The following MECOM variants were observed in gnomAD, a reference collection of about 807,000 sequenced individuals.
MECOM encodes the protein histone-lysine N-methyltransferase MECOM.
MECOM carries 13 observed loss-of-function variants against 116.3 expected under a neutral mutation model. That is an observed-to-expected ratio of 0.11 (90% CI 0.07 to 0.18). The LOEUF is 0.18. Among genes scored for constraint, MECOM ranks in the 10% least tolerant of loss-of-function variants. MECOM has a pLI of 1.00. For missense variants in MECOM, 1,299 were observed against 1,509.0 expected, an observed-to-expected ratio of 0.86 and a Z score of 2.31; for synonymous variants, 528 against 535.2, an observed-to-expected ratio of 0.99 and a Z score of 0.19.
chr3:169,576,947 TG>T (rs1764588093), intron 1 of MECOM, among the ~76,000 whole-genome samples: 1 of 152,122 alleles, frequency 6.6e-6, no homozygotes, highest in Non-Finnish European at 1.5e-5. Context: ...GACATAGCAC[TG>T]GCCGGGCCAA....
chr3:169,308,222 A>G (rs1718067253), intron 2 of MECOM, among the ~76,000 whole-genome samples: 1 of 152,184 alleles, frequency 6.6e-6, no homozygotes, highest in African/African-American at 2.4e-5. Flanking sequence ...GTATTTTACT[A>G]TTGTGCTGCT....
rs371183176 is a variant in MECOM at position 169,594,517 on chromosome 3, C to T, written c.37+68819G>A. On this transcript the variant is annotated intron_variant, in intron 1 of 16. Transcript: ENST00000651503. Reference sequence around the variant, plus strand: ...GGCCAGCATTCTGGCTTAATAGACCCATTGGGTGATTCCGATACAGGCTAC... The same window carrying T: ...GGCCAGCATTCTGGCTTAATAGACCTATTGGGTGATTCCGATACAGGCTAC... Among the ~76,000 whole-genome samples the T allele has an allele frequency of 3.3e-5, 5 of 152,058 alleles. No individual in the cohort carries two copies. In the East Asian group the frequency reaches 5.8e-4, roughly 18 times the overall value.
At chr3:169,481,316 G>A (rs73174314) in intron 1 of MECOM, among the ~76,000 whole-genome samples, 10,753 of 152,166 alleles carry the variant, frequency 0.071, 654 homozygotes, top group East Asian at 0.25. Context: ...ACTTTGGGAG[G>A]ACGAGGCGGG....
At chr3:169,215,753 C>G (rs1415232559) in intron 2 of MECOM, among the ~76,000 whole-genome samples, 1 of 152,178 alleles carries the variant, frequency 6.6e-6, no homozygotes, top group Non-Finnish European at 1.5e-5. Flanking sequence ...CACTTTCTAT[C>G]CTACAGAAGG....
At chr3:169,438,686 G>T (rs191858719) in intron 1 of MECOM, among the ~76,000 whole-genome samples, 1 of 152,176 alleles carries the variant, frequency 6.6e-6, no homozygotes, top group South Asian at 2.1e-4. Context: ...TATGGATGGG[G>T]TACTGGCTGG....
At chr3:169,515,186 G>C (rs1029658637) in intron 1 of MECOM, among the ~76,000 whole-genome samples, 1 of 152,072 alleles carries the variant, frequency 6.6e-6, no homozygotes, top group African/African-American at 2.4e-5. Flanking sequence ...TGCAGGTAGA[G>C]AGCACATGAG....
Position 169,472,518 on chromosome 3 carries a change from G to GAAAAGAAAAGAAAAGA in MECOM, c.38-90995_38-90994insTCTTTTCTTTTCTTTT, listed in dbSNP as rs1749522201. Among the ~76,000 whole-genome samples the GAAAAGAAAAGAAAAGA allele has an allele frequency of 5.7e-4, 40 of 70,124 alleles. 1 individual carries two copies. The highest frequency in any genetic ancestry group is 1.4e-3 in the South Asian group (3 of 2,084). The allele number at this position is 70,124 out of a possible 152,430, so 46.0% of individuals were successfully genotyped here. A position where few individuals can be genotyped will look rare whatever the true frequency, so the allele number is the denominator to read the frequency against. ...GAAAGGAAAGGAAAGGAAAGGAAAG[G>GAAAAGAAAAGAAAAGA]AAAGAAAAGAAAAGAAAAGGAAAGG... On this transcript the variant is annotated intron_variant, in intron 1 of 16. Transcript: ENST00000651503.
intron 1 of MECOM, among the ~76,000 whole-genome samples, chr3:169,596,579 C>A (rs369305567): frequency 6.6e-6 from 1 of 152,110 alleles, no homozygotes; most frequent in East Asian, 1.9e-4. Context: ...ATTACAGAGA[C>A]ACTAAATCCT....
chr3:169,656,664 T>C (rs1473570508), intron 1 of MECOM, among the ~76,000 whole-genome samples: 1 of 152,246 alleles, frequency 6.6e-6, no homozygotes, highest in East Asian at 1.9e-4. Flanking sequence ...CATGGGTTGA[T>C]GGTATTTTTG....
intron 1 of MECOM, among the ~76,000 whole-genome samples, chr3:169,523,782 C>T (rs1254502495): frequency 1.3e-5 from 2 of 151,560 alleles, no homozygotes; most frequent in Non-Finnish European, 2.9e-5. Context: ...AAGTATATCC[C>T]AAATATTGCA....
At chr3:169,147,660 G>A (rs2149313622) in intron 2 of MECOM, 1 of 984,822 alleles carries the variant, frequency 1.0e-6, no homozygotes, top group Non-Finnish European at 1.2e-6. Flanking sequence ...CGCCAGGCAG[G>A]ATTTCTTTCC....
intron 2 of MECOM, among the ~76,000 whole-genome samples, chr3:169,263,900 A>G (rs1328365459): frequency 1.3e-5 from 2 of 152,270 alleles, no homozygotes; most frequent in East Asian, 3.9e-4. Flanking sequence ...TGGTAGAAAG[A>G]TAACAAATGA....
intron 9 of MECOM, among the ~76,000 whole-genome samples, chr3:169,108,588 T>C (rs1726227263): frequency 6.6e-6 from 1 of 152,180 alleles, no homozygotes; most frequent in African/African-American, 2.4e-5. Context: ...ACAAAAGTTA[T>C]ATACGCTTAA....
At chr3:169,613,646 G>A (rs1577112113) in intron 1 of MECOM, 1 of 152,268 alleles carries the variant, frequency 6.6e-6, no homozygotes, top group Admixed American at 6.5e-5. Context: ...TTCAAAGCCA[G>A]TGAGTTCAGT....
chr3:169,540,568 T>A (rs1759942866), intron 1 of MECOM, among the ~76,000 whole-genome samples: 2 of 152,198 alleles, frequency 1.3e-5, no homozygotes, highest in Non-Finnish European at 2.9e-5. Flanking sequence ...CATAATCAGA[T>A]CCTGCCTATC....
At chr3:169,631,814 TG>T (rs1289600079) in intron 1 of MECOM, among the ~76,000 whole-genome samples, 3 of 152,016 alleles carry the variant, frequency 2.0e-5, no homozygotes, top group Admixed American at 2.0e-4. Flanking sequence ...ACTCACTTCT[TG>T]GTTCAAGGCT....
At chr3:169,481,477 T>C (rs900277112) in intron 1 of MECOM, among the ~76,000 whole-genome samples, 4 of 151,990 alleles carry the variant, frequency 2.6e-5, no homozygotes, top group Non-Finnish European at 4.4e-5. Context: ...CGCTTGAACC[T>C]GGGAGGCAGG....
chr3:169,322,862 T>C (rs2149755508), intron 2 of MECOM, among the ~76,000 whole-genome samples: 1 of 151,600 alleles, frequency 6.6e-6, no homozygotes, highest in African/African-American at 2.4e-5. Flanking sequence ...GCCAGCCATG[T>C]TGGCATACAC....
intron 1 of MECOM, among the ~76,000 whole-genome samples, chr3:169,553,490 G>A (rs7642776): frequency 0.32 from 49,281 of 152,094 alleles, 9,278 homozygotes; most frequent in East Asian, 0.71. Context: ...ATTAGCAAGA[G>A]ATAAGTAAAT....
Sources: allele counts gnomAD v4.1 joint callset (sites outside exome capture counted in the v4.1 genomes callset), GRCh38; gene constraint gnomAD v4.1.1; transcripts MANE v1.5; gene names NCBI Gene and HGNC (gene_info 2026-07-23, HGNC 2026-07-21).